The following GCSAML variants were observed in gnomAD, a reference collection of about 807,000 sequenced individuals.
The protein encoded by GCSAML is germinal center-associated signaling and motility-like protein.
GCSAML carries 9 observed loss-of-function variants against 13.0 expected under a neutral mutation model. That is an observed-to-expected ratio of 0.69 (90% CI 0.42 to 1.21). The LOEUF is 1.21. Among genes scored for constraint, GCSAML ranks in the 50% most tolerant of loss-of-function variants. GCSAML has a pLI of 0.00. For synonymous variants in GCSAML, 37 were observed against 52.9 expected, an observed-to-expected ratio of 0.70 and a Z score of 1.31; for missense variants, 143 against 153.4, an observed-to-expected ratio of 0.93 and a Z score of 0.36.
chr1:247,567,231 A>G (rs7414436), intron 4 of GCSAML, among the ~76,000 whole-genome samples: 11,895 of 151,968 alleles, frequency 0.078, 634 homozygotes, highest in African/African-American at 0.15. Flanking sequence ...ACATAGGAAT[A>G]CATGTGCCAC....
Position 247,512,807 on chromosome 1 carries a change from C to G in GCSAML, c.-263+5574C>G, listed in dbSNP as rs139133264. Among the ~76,000 whole-genome samples, 7 of 152,176 alleles carry G rather than the reference C, an allele frequency of 4.6e-5. No individual in the cohort carries two copies. In the East Asian group the frequency reaches 1.4e-3, roughly 30 times the overall value. On this transcript the variant is annotated intron_variant, in intron 1 of 5. Transcript: ENST00000366489. ...TGCTGGAGTTTGCTGGGGGTCCGCT[C>G]GAGATCCTGTTTGCCTGGTTATCAC...
At chr1:247,552,268 TGAA>T (rs1667802653) in intron 1 of GCSAML, among the ~76,000 whole-genome samples, 1 of 152,186 alleles carries the variant, frequency 6.6e-6, no homozygotes, top group African/African-American at 2.4e-5. Context: ...ACAACCAAAA[TGAA>T]GAGGAAATTC....
At chr1:247,549,007 C>T, upstream of GCSAML, 1 of 1,521,490 alleles carries the variant, frequency 6.6e-7, no homozygotes, top group Non-Finnish European at 8.8e-7. Context: ...TTTCTGCCTC[C>T]CCTTTCGAGC....
intron 1 of GCSAML, among the ~76,000 whole-genome samples, chr1:247,516,400 CAT>C (rs1393510249): frequency 3.3e-5 from 5 of 152,230 alleles, no homozygotes; most frequent in African/African-American, 1.2e-4. Flanking sequence ...TCCTTGTGTC[CAT>C]GTTACAATTT....
chr1:247,574,029 A>G, intron 4 of GCSAML, 114 bp from the exon 5 acceptor site: 1 of 1,189,452 alleles, frequency 8.4e-7, no homozygotes. Flanking sequence ...GGTTTTGGAT[A>G]CCTTAAGTGT....
At chr1:247,548,987 C>CA, upstream of GCSAML, 1 of 1,404,106 alleles carries the variant, frequency 7.1e-7, no homozygotes, top group Non-Finnish European at 9.6e-7. The surrounding 1 kb of genome is among the most constrained non-coding windows in gnomAD (Gnocchi z 5.3). Flanking sequence ...CACGCACACT[C>CA]ACATTTTCCT....
intron 1 of GCSAML, among the ~76,000 whole-genome samples, chr1:247,522,025 G>T (rs4925679): frequency 1.3e-5 from 2 of 150,560 alleles, no homozygotes; most frequent in African/African-American, 4.9e-5. Flanking sequence ...GCCTCTGCCC[G>T]GCCGCAACCC....
intron 2 of GCSAML, chr1:247,529,583 A>C (rs570415796): frequency 1.3e-5 from 2 of 152,316 alleles, no homozygotes; most frequent in South Asian, 4.1e-4. Context: ...GATGCATAAT[A>C]ATCCAGTTGA....
intron 2 of GCSAML, among the ~76,000 whole-genome samples, chr1:247,536,855 A>G (rs926363522): frequency 1.3e-5 from 2 of 152,190 alleles, no homozygotes; most frequent in Non-Finnish European, 2.9e-5. Flanking sequence ...ACATGCTGCT[A>G]TAGACTCTTT....
At chr1:247,543,792 TA>T (rs1309188698) in intron 2 of GCSAML, among the ~76,000 whole-genome samples, 1 of 152,050 alleles carries the variant, frequency 6.6e-6, no homozygotes, top group Non-Finnish European at 1.5e-5. Flanking sequence ...CTAATCTTAT[TA>T]AAAAAATTTT....
At chr1:247,522,138 G>C (rs185987778) in intron 1 of GCSAML, among the ~76,000 whole-genome samples, 1 of 151,192 alleles carries the variant, frequency 6.6e-6, no homozygotes, top group Non-Finnish European at 1.5e-5. Context: ...GAGCCCCTCC[G>C]CCTGGCAGCC....
At chr1:247,531,859 G>C (rs866695097) in intron 2 of GCSAML, 2 of 1,614,106 alleles carry the variant, frequency 1.2e-6, no homozygotes, top group Admixed American at 3.3e-5. Flanking sequence ...GTGGCCGTAA[G>C]AGACCAGGAT....
At chr1:247,532,359 A>G (rs745756237) in intron 2 of GCSAML, 2 of 1,614,032 alleles carry the variant, frequency 1.2e-6, no homozygotes, top group South Asian at 2.2e-5. Flanking sequence ...GCACATCTGT[A>G]TGGGAGACCA....
intron 2 of GCSAML, among the ~76,000 whole-genome samples, chr1:247,540,394 A>G (rs1667372149): frequency 6.6e-6 from 1 of 152,176 alleles, no homozygotes; most frequent in Non-Finnish European, 1.5e-5. Context: ...TTCACCTCAG[A>G]GGCATTTTCC....
At chr1:247,531,911 A>C in intron 2 of GCSAML, 1 of 1,614,192 alleles carries the variant, frequency 6.2e-7, no homozygotes, top group Non-Finnish European at 8.5e-7. Flanking sequence ...CTGGCCAGGT[A>C]CATCTCCATC....
intron 2 of GCSAML, chr1:247,529,687 C>A: frequency 7.1e-6 from 1 of 141,288 alleles, no homozygotes; most frequent in Non-Finnish European, 1.5e-5. Flanking sequence ...AGTTTTTGTT[C>A]AAACACAAGC....
At chr1:247,573,019 C>T (rs1021789751) in intron 4 of GCSAML, among the ~76,000 whole-genome samples, 3 of 152,144 alleles carry the variant, frequency 2.0e-5, no homozygotes, top group African/African-American at 7.2e-5. Context: ...ATGCCCCTTC[C>T]CCCACCAAGC....
chr1:247,515,027 T>C (rs1572280622), intron 1 of GCSAML, among the ~76,000 whole-genome samples: 1 of 152,214 alleles, frequency 6.6e-6, no homozygotes, highest in South Asian at 2.1e-4. Flanking sequence ...GGGAATTGCA[T>C]TGAACTTGTA....
chr1:247,566,040 G>T, intron 4 of GCSAML, 81 bp downstream of exon 4: 1 of 938,408 alleles, frequency 1.1e-6, no homozygotes, highest in South Asian at 1.9e-5. Context: ...AAATACAGAT[G>T]ATTTATTCAA....
Sources: allele counts gnomAD v4.1 joint callset (sites outside exome capture counted in the v4.1 genomes callset), GRCh38; gene constraint gnomAD v4.1.1; non-coding constraint Gnocchi (gnomAD v3.1); transcripts MANE v1.5; gene names NCBI Gene and HGNC (gene_info 2026-07-23, HGNC 2026-07-21).